MIB2: variants seen among roughly 807,000 people sequenced by gnomAD.
The protein encoded by MIB2 is E3 ubiquitin-protein ligase MIB2.
In MIB2, 78 loss-of-function variants were observed where a neutral mutation model predicts 96.6. That is an observed-to-expected ratio of 0.81 (90% CI 0.67 to 0.97). The LOEUF is 0.97. MIB2 is among the 50% of genes least tolerant of loss of function. The pLI is 0.00. For synonymous variants in MIB2, 820 were observed against 629.5 expected (o/e 1.30, Z -4.53); for missense variants, 1,543 against 1,424.0 (o/e 1.08, Z -1.35).
chr1:1,628,731 G>A lies in MIB2; in HGVS notation c.2202+9G>A, dbSNP rs1442822624. The A allele has an allele frequency of 2.0e-6, 3 of 1,522,228 alleles. No homozygotes were observed. Among genetic ancestry groups the A allele is most frequent in the Non-Finnish European group, 2.7e-6 (3 of 1,131,924 alleles). The allele number at this position is 1,522,228 out of a possible 1,614,324, so 94.3% of individuals were successfully genotyped here. On this transcript the variant is annotated intron_variant, in intron 16 of 19. Transcript: ENST00000355826. ...TGCAGCTGCTGTCCAGGGTGAGGAAGTGTGGCGTGGGGTGCTGGAGAGGCT... is the reference window on the plus strand; with the variant it reads ...TGCAGCTGCTGTCCAGGGTGAGGAAATGTGGCGTGGGGTGCTGGAGAGGCT...
intron 11 of MIB2, 44 bp from the exon 12 acceptor site, chr1:1,627,252 G>C: frequency 1.2e-6 from 2 of 1,612,874 alleles, no homozygotes; most frequent in Non-Finnish European, 1.7e-6. Context: ...GTCTGAGAGT[G>C]AGGGGCAGAG....
Position 1,630,550 on chromosome 1 carries a change from C to A in MIB2, c.*20C>A. 6.5e-7 allele frequency: 1 copy of A among 1,533,040 alleles called. No individual in the cohort carries two copies. The highest frequency in any genetic ancestry group is 8.7e-7 in the Non-Finnish European group (1 of 1,144,890). 95.0% of individuals were successfully genotyped at this position (1,533,040 alleles called of 1,614,324 possible). A position where few individuals can be genotyped will look rare whatever the true frequency, so the allele number is the denominator to read the frequency against. On this transcript the variant is annotated 3_prime_UTR_variant, in exon 20 of 20. Transcript: ENST00000355826. The stretch of plus-strand genomic sequence containing the variant: ...GTGTGAGCCGCGCCGTCCGCCGCGC[C>A]CGAGCTGCCTTCGCGTGCCCCCGCC...
rs546829315 is a variant in MIB2, at chr1:1,618,435, AGGCTGCCCACC to A, written c.-23+1822_-23+1832del. ...ATCTGTCCTAGAGGGCTTGATTTCC[AGGCTGCCCACC>A]CCACTCCTACCCCTAATCTGGTGTT... is the stretch of plus-strand genomic sequence containing the variant. On this transcript the variant is annotated intron_variant, in intron 2 of 19. Coordinates refer to ENST00000355826, the MANE Select transcript of MIB2 (RefSeq NM_001170687.4). 433 of 152,910 alleles carry A rather than the reference AGGCTGCCCACC, an allele frequency of 2.8e-3. 2 individuals carry two copies. Among genetic ancestry groups the A allele is most frequent in the Admixed American group, 6.4e-3 (98 of 15,310 alleles). The allele number at this position is 152,910 out of a possible 1,614,324, so 9.5% of individuals were successfully genotyped here.
At position 1,623,661 on chromosome 1, in the gene MIB2, G is replaced by A; in HGVS notation, c.209G>A (p.Gly70Asp). Residue 70 changes from glycine to aspartate, a missense_variant, in exon 3 of 20, where the codon GGC becomes GAC. Physicochemically the swap from Gly to Asp is moderately conservative, Grantham distance 94. Coordinates refer to ENST00000355826, the MANE Select transcript of MIB2 (RefSeq NM_001170687.4). ...TRTNYRAGYQGAHDLLLYDNA... is the reference protein window; with the variant it reads ...TRTNYRAGYQDAHDLLLYDNA... The stretch of plus-strand genomic sequence containing the variant: ...ACCAACTACCGCGCCGGCTACCAGG[G>A]CGCGCACGACCTGCTGCTGTACGAC... 3 of 1,482,124 alleles carry A rather than the reference G, an allele frequency of 2.0e-6. No individual in the cohort carries two copies. Among genetic ancestry groups the A allele is most frequent in the Non-Finnish European group, 2.7e-6 (3 of 1,112,802 alleles). 91.8% of individuals were successfully genotyped at this position (1,482,124 alleles called of 1,614,324 possible).
In MIB2 at chr1:1,629,638, G is replaced by A; in HGVS notation, c.2564-1G>A. ...AGCCAACCGCGCTCTCCTCTTCGCA[G>A]AGTGCGCGCGCAGGATGAAGAAGTG... On this transcript the variant is annotated splice_acceptor_variant, in intron 18 of 19. Coordinates refer to ENST00000355826, the MANE Select transcript of MIB2 (RefSeq NM_001170687.4). LOFTEE classifies it high-confidence loss of function. 1 of 1,589,888 alleles carries A rather than the reference G, an allele frequency of 6.3e-7. No homozygotes were observed. Among genetic ancestry groups the A allele is most frequent in the Non-Finnish European group, 8.6e-7 (1 of 1,168,530 alleles).
intron 2 of MIB2, among the ~76,000 whole-genome samples, chr1:1,621,418 C>T (rs1644252292): frequency 1.3e-5 from 2 of 152,272 alleles, no homozygotes; most frequent in Non-Finnish European, 2.9e-5. Context: ...CGGGACCCCT[C>T]TCCTTGTCTG....
At chr1:1,615,489 C>T (rs749144672), upstream of MIB2, 1 of 1,526,250 alleles carries the variant, frequency 6.6e-7, no homozygotes, top group African/African-American at 1.4e-5. Flanking sequence ...GGGGGCGGGC[C>T]CTGGGCTCCC....
Position 1,627,138 on chromosome 1 carries a change from G to A in MIB2, c.1305G>A (p.Arg435=). 1 of 1,596,060 alleles carries A rather than the reference G, an allele frequency of 6.3e-7. No homozygotes were observed. The highest frequency in any genetic ancestry group is 8.5e-7 in the Non-Finnish European group (1 of 1,171,758). Residue 435 remains arginine, a synonymous_variant, in exon 11 of 20, where the codon AGG becomes AGA. Coordinates refer to ENST00000355826, the MANE Select transcript of MIB2 (RefSeq NM_001170687.4). The part of the protein sequence containing the change: ...AQKSDPEHPG[R]LVVEVALGNA... ...AGAGTGACCCAGAGCACCCGGGAAG[G>A]CTGGTGGTGGAGGTGGCGCTGGGTA...
rs547119675 is a variant in MIB2, at chr1:1,628,165, C to G, written c.1827C>G (p.Leu609=). 314 of 1,613,354 alleles carry G rather than the reference C, an allele frequency of 1.9e-4. No homozygotes were observed. In the East Asian group the frequency reaches 6.7e-3, roughly 35 times the overall value. Residue 609 remains leucine, a synonymous_variant, in exon 14 of 20, where the codon CTC becomes CTG. Coordinates refer to ENST00000355826, the MANE Select transcript of MIB2 (RefSeq NM_001170687.4). ...QGFTLLHHAS[L]KGHALAVRKI... is the part of the protein sequence containing the mutation. ...TCACCCTGCTGCACCATGCCTCCCTCAAGGGTCACGCGCTGTGAGTGTGGG... is the reference window on the plus strand; with the variant it reads ...TCACCCTGCTGCACCATGCCTCCCTGAAGGGTCACGCGCTGTGAGTGTGGG...
intron 2 of MIB2, 121 bp from the exon 3 acceptor site, chr1:1,623,310 T>G (rs1277866627): frequency 1.8e-5 from 26 of 1,446,852 alleles, no homozygotes; most frequent in Non-Finnish European, 2.4e-5. Context: ...CCTGCCCCGT[T>G]GGGCCTCTCT....
chr1:1,629,068 C>G, intron 16 of MIB2, 65 bp from the exon 17 acceptor site: 4 of 1,365,862 alleles, frequency 2.9e-6, no homozygotes, highest in Non-Finnish European at 3.8e-6. Flanking sequence ...TGCCAGGTGC[C>G]AGGAGACGCC....
Position 1,629,697 on chromosome 1 carries a change from G to T in MIB2, c.2622G>T (p.Leu874=). ...GCCAGGTGGTCGTCAGCAAGAAACT[G>T]CGCCCAGGTGGGTGAGGCTCTGCGC... is the stretch of plus-strand genomic sequence containing the variant. ...IRCQVVVSKK[L]RPDGSEVASA... is the part of the protein sequence containing the mutation. The change falls in exon 19 of 20, where the codon CTG becomes CTT. Residue 874 remains leucine (L), a synonymous_variant. Coordinates refer to ENST00000355826, the MANE Select transcript of MIB2 (RefSeq NM_001170687.4). The T allele has an allele frequency of 6.3e-7, 1 of 1,595,684 alleles. No individual in the cohort carries two copies. Among genetic ancestry groups the T allele is most frequent in the Non-Finnish European group, 8.5e-7 (1 of 1,171,472 alleles).
rs1161340241 is a variant in MIB2, at chr1:1,625,529, T to G, written c.865-17T>G. On this transcript the variant is annotated splice_polypyrimidine_tract_variant and intron_variant, in intron 7 of 19. Transcript: ENST00000355826. The surrounding 1 kb of genome is among the most constrained non-coding windows in gnomAD (Gnocchi z 5.0). ...GCGTCCAGCCCGACCCAGCCACAGC[T>G]CCATGACCCGCCACAGTTTATCGGA... The G allele has an allele frequency of 6.5e-7, 1 of 1,544,884 alleles. No individual in the cohort carries two copies. The highest frequency in any genetic ancestry group is 2.5e-5 in the East Asian group (1 of 40,790).
Position 1,629,438 on chromosome 1 carries a change from C to G in MIB2, c.2435C>G (p.Thr812Ser), listed in dbSNP as rs577113801. 6.6e-7 allele frequency: 1 copy of G among 1,526,262 alleles called. No individual in the cohort carries two copies. The highest frequency in any genetic ancestry group is 1.2e-5 in the South Asian group (1 of 83,016). 94.5% of individuals were successfully genotyped at this position (1,526,262 alleles called of 1,614,324 possible). The change falls in exon 18 of 20, where the codon ACC becomes AGC. Residue 812 changes from threonine (T) to serine (S), a missense_variant. Thr to Ser is a moderately conservative substitution (Grantham distance 58). Transcript: ENST00000355826. ...CCGGGCCCCAGGCAAACGCTCGGGA[C>G]CCCCAACACCGTGACGAACCTGCAC... The part of the protein sequence containing the change: ...AAPGPRQTLG[T>S]PNTVTNLHVG...
intron 2 of MIB2, among the ~76,000 whole-genome samples, chr1:1,620,558 G>A (rs1323326461): frequency 1.3e-5 from 2 of 149,516 alleles, no homozygotes; most frequent in African/African-American, 4.9e-5. Context: ...GGCCTGGCAG[G>A]GGGTGGGGTC....
chr1:1,619,918 G>A (rs1179719985), intron 2 of MIB2, among the ~76,000 whole-genome samples: 1 of 152,200 alleles, frequency 6.6e-6, no homozygotes, highest in Non-Finnish European at 1.5e-5. Flanking sequence ...TAAAAATACC[G>A]GGCATGCTGC....
chr1:1,629,084 C>T (rs1645101778), intron 16 of MIB2, 49 bp from the exon 17 acceptor site: 1 of 1,391,802 alleles, frequency 7.2e-7, no homozygotes, highest in African/African-American at 1.5e-5. Context: ...ACGCCTCCCT[C>T]GGGCCTGCCC....
chr1:1,615,262 T>C, upstream of MIB2: 1 of 1,153,214 alleles, frequency 8.7e-7, no homozygotes, highest in Non-Finnish European at 1.2e-6. Context: ...GTGCCGCCAG[T>C]GCCAGCGAGC....
chr1:1,616,623 T>G lies in MIB2; in HGVS notation c.-23+9T>G, dbSNP rs969793126. On this transcript the variant is annotated intron_variant, in intron 2 of 19. Transcript: ENST00000355826. ...ACTGGACGGCCGGACAGGTGAGCTC[T>G]TGATCGTCCGCGGCCTGATAGTTTG... The G allele has an allele frequency of 1.1e-5, 18 of 1,579,338 alleles. No individual in the cohort carries two copies. The highest frequency in any genetic ancestry group is 3.3e-4 in the Middle Eastern group (2 of 6,036).
Sources: allele counts gnomAD v4.1 joint callset (sites outside exome capture counted in the v4.1 genomes callset), GRCh38; gene constraint gnomAD v4.1.1; non-coding constraint Gnocchi (gnomAD v3.1); transcripts MANE v1.5; gene names NCBI Gene and HGNC (gene_info 2026-07-23, HGNC 2026-07-21).